Variants in CNTN6 observed in about 807,000 individuals in gnomAD.
The protein encoded by CNTN6 is contactin-6.
CNTN6 carries 137 observed loss-of-function variants against 122.8 expected under a neutral mutation model. The ratio of observed to expected loss-of-function variants is 1.12; its 90% CI spans 0.97 to 1.29. CNTN6 has a LOEUF of 1.29. Among genes scored for constraint, CNTN6 ranks in the 50% most tolerant of loss-of-function variants. CNTN6 has a pLI of 0.00. For missense variants in CNTN6, 1,634 were observed against 1,223.4 expected, an observed-to-expected ratio of 1.34 and a Z score of -5.01; for synonymous variants, 570 against 426.0, an observed-to-expected ratio of 1.34 and a Z score of -4.16.
chr3:1,401,424 T>C lies in CNTN6; in HGVS notation c.2705-9T>C. On this transcript the variant is annotated splice_polypyrimidine_tract_variant and intron_variant, in intron 20 of 22. Coordinates refer to ENST00000446702, the MANE Select transcript of CNTN6 (RefSeq NM_001289080.2). ...ACATTCATTTGGATCTTTGATTATC[T>C]CTTTAAAGCTCCAAGCCAACCACCA... 6.2e-7 allele frequency: 1 copy of C among 1,605,822 alleles called. No homozygotes were observed. Among genetic ancestry groups the C allele is most frequent in the Non-Finnish European group, 8.5e-7 (1 of 1,173,606 alleles).
At chr3:1,282,678 A>G (rs1009060775) in intron 5 of CNTN6, among the ~76,000 whole-genome samples, 3 of 152,218 alleles carry the variant, frequency 2.0e-5, no homozygotes, top group Non-Finnish European at 4.4e-5. Flanking sequence ...TCTGATTACA[A>G]AACTTCACTA....
intron 1 of CNTN6, among the ~76,000 whole-genome samples, chr3:1,098,252 TAAAAATA>T (rs2090644822): frequency 7.1e-6 from 1 of 139,982 alleles, no homozygotes; most frequent in African/African-American, 3.2e-5. Flanking sequence ...AATAATAAAA[TAAAAATA>T]AAAAAAAGAG....
chr3:1,150,332 A>T (rs2092812764), intron 2 of CNTN6, among the ~76,000 whole-genome samples: 1 of 152,306 alleles, frequency 6.6e-6, no homozygotes, highest in South Asian at 2.1e-4. Flanking sequence ...ATCTTTCACA[A>T]TTACTTACTT....
Position 1,377,093 on chromosome 3 carries a change from T to C in CNTN6, c.2166+18T>C, listed in dbSNP as rs1709977384. 1 of 1,544,178 alleles carries C rather than the reference T, an allele frequency of 6.5e-7. No homozygotes were observed. The highest frequency in any genetic ancestry group is 1.9e-5 in the Admixed American group (1 of 53,518). ...CGTGGGAGGTAATTTTCTGTCCAAC[T>C]GAGTTATTTTGAAGAAAAGAGATTT... On this transcript the variant is annotated intron_variant, in intron 17 of 22. Transcript: ENST00000446702.
At chr3:1,375,669 C>T (rs184245416) in intron 16 of CNTN6, among the ~76,000 whole-genome samples, 72 of 152,208 alleles carry the variant, frequency 4.7e-4, no homozygotes, top group African/African-American at 1.6e-3. Context: ...GTAAAATCCA[C>T]TCTGATTCAC....
At chr3:1,242,462 G>T (rs1435338412) in intron 4 of CNTN6, among the ~76,000 whole-genome samples, 3 of 152,160 alleles carry the variant, frequency 2.0e-5, no homozygotes, top group African/African-American at 7.2e-5. Context: ...GGAATTGTAA[G>T]GAGAGTTTAT....
In CNTN6 at chr3:1,102,969, T is replaced by A. The variant is rs755072930; in HGVS notation, c.-83+9849T>A. On this transcript the variant is annotated intron_variant, in intron 1 of 22. Coordinates refer to ENST00000446702, the MANE Select transcript of CNTN6 (RefSeq NM_001289080.2). ...AAAAATACAAGAAATTAGCCGGGCG[T>A]GGTGGCGGCGCCTGTGGTCCCAGCT... 4.7e-5 allele frequency among the ~76,000 whole-genome samples: 7 copies of A among 147,642 alleles called. No homozygotes were observed. In the South Asian group the frequency reaches 1.3e-3, roughly 27 times the overall value.
chr3:1,226,082 T>C (rs1302924257), intron 3 of CNTN6, among the ~76,000 whole-genome samples: 3 of 152,162 alleles, frequency 2.0e-5, no homozygotes, highest in Non-Finnish European at 4.4e-5. Context: ...TTTTGCCATG[T>C]TGCCCAGGCT....
intron 5 of CNTN6, among the ~76,000 whole-genome samples, chr3:1,292,019 A>G (rs1180884579): frequency 4.6e-5 from 7 of 152,080 alleles, no homozygotes; most frequent in Admixed American, 6.6e-5. Context: ...ACCCCCATCC[A>G]TCGTCAAAAC....
rs752027829 is a variant in CNTN6 at position 1,278,494 on chromosome 3, C to T, written c.440C>T (p.Pro147Leu). The part of the protein sequence containing the change: ...GQGVVLLCGP[P>L]PHFGDLSYAW... ...GGTGTGGTGCTTCTCTGTGGCCCAC[C>T]GCCACATTTTGGAGGTATGATGGGG... Residue 147 changes from proline (P) to leucine (L), a missense_variant, in exon 5 of 23, where the codon CCG becomes CTG. Transcript: ENST00000446702. 2.2e-5 allele frequency: 36 copies of T among 1,610,730 alleles called. 1 individual carries two copies. Among genetic ancestry groups the T allele is most frequent in the East Asian group, 4.5e-5 (2 of 44,810 alleles).
chr3:1,300,752 A>G (rs1026716600), intron 7 of CNTN6, among the ~76,000 whole-genome samples: 4 of 152,034 alleles, frequency 2.6e-5, no homozygotes, highest in African/African-American at 9.7e-5. Flanking sequence ...CATATACTCT[A>G]TCTGAATTGA....
intron 12 of CNTN6, among the ~76,000 whole-genome samples, chr3:1,355,689 G>A (rs17193334): frequency 0.052 from 7,960 of 151,696 alleles, 307 homozygotes; most frequent in East Asian, 0.092. Flanking sequence ...AGTGTATAGT[G>A]ACCTTAAGAG....
intron 7 of CNTN6, among the ~76,000 whole-genome samples, chr3:1,301,097 C>T (rs1405756155): frequency 7.3e-6 from 1 of 136,830 alleles, no homozygotes; most frequent in Non-Finnish European, 1.5e-5. Context: ...AGTGCAATGG[C>T]ACGATCTCGG....
intron 21 of CNTN6, 98 bp from the exon 22 acceptor site, chr3:1,402,220 A>G (rs1254180629): frequency 2.4e-6 from 2 of 830,536 alleles, no homozygotes; most frequent in Non-Finnish European, 3.6e-6. Flanking sequence ...TACAACATTT[A>G]TGATGATGTA....
At chr3:1,109,989 A>T (rs757855630) in intron 1 of CNTN6, among the ~76,000 whole-genome samples, 34 of 152,066 alleles carry the variant, frequency 2.2e-4, no homozygotes, top group Non-Finnish European at 2.9e-4. Flanking sequence ...CATCGATCTT[A>T]TCTTAAAATT....
intron 2 of CNTN6, among the ~76,000 whole-genome samples, chr3:1,175,060 A>AC (rs555494405): frequency 2.6e-5 from 4 of 151,726 alleles, no homozygotes; most frequent in Admixed American, 2.0e-4. Context: ...ACATGGTGAG[A>AC]CCCCATCTAC....
intron 8 of CNTN6, among the ~76,000 whole-genome samples, 156 bp from the exon 9 acceptor site, chr3:1,325,659 G>A (rs753158774): frequency 6.6e-6 from 1 of 151,768 alleles, no homozygotes; most frequent in African/African-American, 2.4e-5. Flanking sequence ...AACCCGCATT[G>A]AAGCTCCTGC....
intron 20 of CNTN6, among the ~76,000 whole-genome samples, chr3:1,386,877 GTTATA>G (rs1693060981): frequency 6.6e-6 from 1 of 152,088 alleles, no homozygotes; most frequent in Non-Finnish European, 1.5e-5. Flanking sequence ...TGAAAATAAA[GTTATA>G]TTAAAGTTAT....
At chr3:1,362,043 T>C (rs770229927) in intron 12 of CNTN6, among the ~76,000 whole-genome samples, 1 of 152,102 alleles carries the variant, frequency 6.6e-6, no homozygotes, top group Non-Finnish European at 1.5e-5. Flanking sequence ...GCTAAGCAGC[T>C]CAACCTTGAG....
Sources: allele counts gnomAD v4.1 joint callset (sites outside exome capture counted in the v4.1 genomes callset), GRCh38; gene constraint gnomAD v4.1.1; transcripts MANE v1.5; gene names NCBI Gene and HGNC (gene_info 2026-07-23, HGNC 2026-07-21).